Variants in TMEM92 observed in about 807,000 individuals in gnomAD.
TMEM92 encodes transmembrane protein 92.
A neutral mutation model predicts 14.6 loss-of-function variants in TMEM92; 15 were observed. That is an observed-to-expected ratio of 1.03 (90% CI 0.69 to 1.58). TMEM92 has a LOEUF of 1.58. TMEM92 is among the 40% of genes most tolerant of loss of function. The pLI, the probability that TMEM92 is intolerant of heterozygous loss-of-function variation, is 0.00. For missense variants in TMEM92, 174 were observed against 202.4 expected (o/e 0.86, Z 0.85); for synonymous variants, 85 against 83.3 (o/e 1.02, Z -0.11).
rs143025244 is a variant in TMEM92 at position 50,277,201 on chromosome 17, C to T, written c.70-514C>T. On this transcript the variant is annotated intron_variant, in intron 1 of 4. Transcript: ENST00000507382. ...CCAGGTATGTTCAGGGAACTCCCAG[C>T]GGGTGTGTGTGAGAGGAAGAGAAAG... 3.8e-3 allele frequency among the ~76,000 whole-genome samples: 581 copies of T among 151,920 alleles called. 6 individuals carry two copies. The highest frequency in any genetic ancestry group is 0.013 in the African/African-American group (551 of 41,404).
At chr17:50,273,203 C>T (rs1910308386), upstream of TMEM92, among the ~76,000 whole-genome samples, 1 of 152,216 alleles carries the variant, frequency 6.6e-6, no homozygotes, top group South Asian at 2.1e-4. Flanking sequence ...ATCACCCCCT[C>T]TCCCCCTCCC....
intron 1 of TMEM92, chr17:50,275,191 A>T: frequency 6.5e-6 from 1 of 153,502 alleles, no homozygotes; most frequent in Non-Finnish European, 1.5e-5. Context: ...TCTACAGGTG[A>T]TGGGGGAAAG....
rs1910473908 is a variant in TMEM92, at chr17:50,277,732, T to A, written c.87T>A (p.Gly29=). 6.2e-7 allele frequency: 1 copy of A among 1,613,740 alleles called. No individual in the cohort carries two copies. Among genetic ancestry groups the A allele is most frequent in the Non-Finnish European group, 8.5e-7 (1 of 1,179,926 alleles). ...AGPQKIAAKC[G]LILACPKGFK... Reference sequence around the variant, plus strand: ...TTCCACAGATTGCAGCCAAATGTGGTCTCATCCTGTAAGTCTAGAGGCCAT... The same window carrying A: ...TTCCACAGATTGCAGCCAAATGTGGACTCATCCTGTAAGTCTAGAGGCCAT... Residue 29 remains glycine (G), a synonymous_variant, in exon 2 of 5, where the codon GGT becomes GGA. Coordinates refer to ENST00000507382, the MANE Select transcript of TMEM92 (RefSeq NM_153229.3).
rs1178433146 is a variant in TMEM92 at position 50,278,744 on chromosome 17, AG to A, written c.171-54del. 181 of 1,572,098 alleles carry A rather than the reference AG, an allele frequency of 1.2e-4. 2 individuals carry two copies. Among genetic ancestry groups the A allele is most frequent in the Non-Finnish European group, 1.5e-4 (173 of 1,160,586 alleles). The stretch of plus-strand genomic sequence containing the variant: ...GTGGGCGGCGGGAGCGGGGAGATGT[AG>A]GGAGTCCCCAGGGTGGCCTGGGGAC... On this transcript the variant is annotated intron_variant, in intron 3 of 4. Transcript: ENST00000507382.
rs554181156 is a variant in TMEM92 at position 50,279,341 on chromosome 17, A to G, written c.*33A>G. 2.1e-4 allele frequency: 337 copies of G among 1,574,618 alleles called. 2 individuals are homozygous for G. The South Asian group carries it at 3.5e-3, about 16-fold the overall frequency. On this transcript the variant is annotated 3_prime_UTR_variant, in exon 5 of 5. Transcript: ENST00000507382. The stretch of plus-strand genomic sequence containing the variant: ...CCTGCCTGGAATCTTGCCATCAGCA[A>G]CCTCCTCCCCAGTGCCTCCTGGATC...
chr17:50,277,562 G>A (rs1049472898), intron 1 of TMEM92, among the ~76,000 whole-genome samples, 153 bp from the exon 2 acceptor site: 46 of 152,102 alleles, frequency 3.0e-4, no homozygotes, highest in African/African-American at 1.1e-3. Flanking sequence ...CTGGGAACAC[G>A]GTGGAGTGAG....
At chr17:50,274,677 G>A in intron 1 of TMEM92, 107 bp downstream of exon 1, 1 of 990,532 alleles carries the variant, frequency 1.0e-6, no homozygotes, top group Non-Finnish European at 1.5e-6. Context: ...ATTTCCTCCT[G>A]ACCACACACA....
intron 1 of TMEM92, among the ~76,000 whole-genome samples, chr17:50,276,302 A>T (rs1053542304): frequency 6.6e-6 from 1 of 152,096 alleles, no homozygotes; most frequent in Non-Finnish European, 1.5e-5. Context: ...TTCTATAGTC[A>T]TTCCTGTGTG....
rs1910574277 is a variant in TMEM92 at position 50,280,253 on chromosome 17, G to C, written c.*945G>C. On this transcript the variant is annotated 3_prime_UTR_variant, in exon 5 of 5. Transcript: ENST00000507382. ...AATGGGGGTGGGGAAAAGCCCAGGA[G>C]AGCAGTGGGTGGGGCTGGGCATCCG... is the stretch of plus-strand genomic sequence containing the variant. 1 of 152,322 alleles carries C rather than the reference G, an allele frequency of 6.6e-6. No homozygotes were observed. The highest frequency in any genetic ancestry group is 6.5e-5 in the Admixed American group (1 of 15,292). 9.4% of individuals were successfully genotyped at this position (152,322 alleles called of 1,614,324 possible).
upstream of TMEM92, chr17:50,274,380 T>C: frequency 2.1e-6 from 2 of 963,686 alleles, no homozygotes; most frequent in South Asian, 2.8e-5. Context: ...CTGCCCCGAG[T>C]CCGCCTCTCC....
upstream of TMEM92, among the ~76,000 whole-genome samples, chr17:50,272,214 T>A (rs1356804559): frequency 6.6e-6 from 1 of 151,816 alleles, no homozygotes; most frequent in Non-Finnish European, 1.5e-5. Context: ...AGGGCACTGG[T>A]GCCCGCCTAG....
intron 1 of TMEM92, among the ~76,000 whole-genome samples, chr17:50,276,365 T>C (rs1183390951): frequency 2.0e-5 from 3 of 152,134 alleles, no homozygotes; most frequent in African/African-American, 7.2e-5. Context: ...CTGCAGGGGT[T>C]CCTTCCTGTT....
At chr17:50,274,180 C>A (rs998060181), upstream of TMEM92, among the ~76,000 whole-genome samples, 2 of 152,004 alleles carry the variant, frequency 1.3e-5, no homozygotes, top group Non-Finnish European at 2.9e-5. Flanking sequence ...GGGGTCTCAC[C>A]ATGTAGGCCA....
chr17:50,274,168 G>T (rs1398892184), upstream of TMEM92, among the ~76,000 whole-genome samples: 3 of 29,510 alleles, frequency 1.0e-4, no homozygotes, highest in East Asian at 2.0e-3. Context: ...TAGTGGAGAC[G>T]GGGGGTCTCA....
At position 50,280,396 on chromosome 17, in the gene TMEM92, C is replaced by T. The variant is rs1910581064; in HGVS notation, c.*1088C>T. The T allele has an allele frequency of 1.3e-5, 2 of 152,234 alleles. No individual in the cohort carries two copies. The highest frequency in any genetic ancestry group is 2.4e-5 in the African/African-American group (1 of 41,402). 9.4% of individuals were successfully genotyped at this position (152,234 alleles called of 1,614,324 possible). A position where few individuals can be genotyped will look rare whatever the true frequency, so the allele number is the denominator to read the frequency against. On this transcript the variant is annotated 3_prime_UTR_variant, in exon 5 of 5. Coordinates refer to ENST00000507382, the MANE Select transcript of TMEM92 (RefSeq NM_153229.3). ...CCCCGCTCGCTCGTGGGAGTTAACC[C>T]CCTAGGGGAGAAGAGTCTTCACTGG...
upstream of TMEM92, chr17:50,274,410 T>C (rs140084814): frequency 2.2e-6 from 3 of 1,367,150 alleles, no homozygotes; most frequent in African/African-American, 2.9e-5. Context: ...TCCGCCCCCA[T>C]CCCGAGGCGG....
intron 1 of TMEM92, among the ~76,000 whole-genome samples, chr17:50,277,309 A>C (rs998956365): frequency 5.3e-5 from 8 of 152,188 alleles, no homozygotes; most frequent in African/African-American, 1.9e-4. Context: ...GGGGGCTTCC[A>C]GCAAGATTCT....
chr17:50,274,071 C>T (rs1263427851), upstream of TMEM92, among the ~76,000 whole-genome samples: 1 of 152,176 alleles, frequency 6.6e-6, no homozygotes, highest in Non-Finnish European at 1.5e-5. Context: ...CTCTGCTTCC[C>T]GGGTTCAAGC....
chr17:50,272,636 C>T (rs1378665140), upstream of TMEM92, among the ~76,000 whole-genome samples: 1 of 152,164 alleles, frequency 6.6e-6, no homozygotes, highest in East Asian at 1.9e-4. Flanking sequence ...ATCCCAATAC[C>T]CCTCGGATCA....
Sources: gnomAD v4.1 joint callset for allele counts (sites outside exome capture counted in the v4.1 genomes callset) on GRCh38, gnomAD v4.1.1 for gene constraint, MANE v1.5 for transcripts, NCBI Gene and HGNC (gene_info 2026-07-23, HGNC 2026-07-21) for gene names.